The following CNOT10 variants were observed in gnomAD, a reference collection of about 807,000 sequenced individuals.
The protein encoded by CNOT10 is CCR4-NOT transcription complex subunit 10.
CNOT10 carries 30 observed loss-of-function variants against 94.6 expected under a neutral mutation model. The ratio of observed to expected loss-of-function variants is 0.32; its 90% confidence interval spans 0.24 to 0.43. The LOEUF is 0.43. Ranked by LOEUF, CNOT10 falls within the 20% of genes least tolerant of loss-of-function variation. CNOT10 has a pLI of 1.00. For missense variants in CNOT10, 759 were observed against 877.2 expected (o/e 0.87, Z 1.70); for synonymous variants, 289 against 301.6 (o/e 0.96, Z 0.43).
intron 13 of CNOT10, among the ~76,000 whole-genome samples, chr3:32,740,709 A>G (rs1489091333): frequency 6.6e-6 from 1 of 151,906 alleles, no homozygotes; most frequent in Non-Finnish European, 1.5e-5. Context: ...AAAAATACAA[A>G]AAATTAGCCG....
At chr3:32,714,251 AT>A (rs1432838240) in intron 5 of CNOT10, among the ~76,000 whole-genome samples, 1 of 151,954 alleles carries the variant, frequency 6.6e-6, no homozygotes, top group Non-Finnish European at 1.5e-5. Flanking sequence ...TTTGATTTTT[AT>A]TTTCCTAATG....
chr3:32,754,518 C>CTTTTTT (rs752732319), intron 13 of CNOT10, among the ~76,000 whole-genome samples: 1 of 61,998 alleles, frequency 1.6e-5, no homozygotes, highest in Non-Finnish European at 2.6e-5. Flanking sequence ...ATTTATTTTA[C>CTTTTTT]TTTTTTTTTT....
intron 13 of CNOT10, among the ~76,000 whole-genome samples, chr3:32,739,007 C>T (rs1699327886): frequency 6.6e-6 from 1 of 151,114 alleles, no homozygotes; most frequent in African/African-American, 2.4e-5. Context: ...CAGTTTCAGG[C>T]GATTCTCCTG....
At chr3:32,730,494 G>A (rs1698894971) in intron 10 of CNOT10, 1 of 151,946 alleles carries the variant, frequency 6.6e-6, no homozygotes, top group Non-Finnish European at 1.5e-5. Context: ...TAGGAAACTT[G>A]CCACCAGTAA....
At chr3:32,743,270 A>T (rs2125596083) in intron 13 of CNOT10, among the ~76,000 whole-genome samples, 1 of 152,214 alleles carries the variant, frequency 6.6e-6, no homozygotes, top group East Asian at 1.9e-4. Context: ...TACAGGCATG[A>T]GCCACCCACC....
intron 8 of CNOT10, 23 bp downstream of exon 8, chr3:32,720,254 TAA>T: frequency 7.4e-7 from 1 of 1,359,946 alleles, no homozygotes; most frequent in Non-Finnish European, 1.0e-6. Context: ...TGTGAAATTT[TAA>T]CTTTTTTTTG....
At chr3:32,724,412 AT>A (rs756450071) in intron 8 of CNOT10, among the ~76,000 whole-genome samples, 1,235 of 108,110 alleles carry the variant, frequency 0.011, 5 homozygotes, top group Middle Eastern at 0.028. Flanking sequence ...CGCCCGGCTA[AT>A]TTTTTTTTTT....
intron 1 of CNOT10, among the ~76,000 whole-genome samples, chr3:32,698,055 AATT>A (rs1697161001): frequency 6.6e-6 from 1 of 152,240 alleles, no homozygotes; most frequent in African/African-American, 2.4e-5. Context: ...GTTTTAAAAT[AATT>A]GGTCCTTACC....
At chr3:32,712,157 T>G (rs1333251700) in intron 4 of CNOT10, among the ~76,000 whole-genome samples, 6 of 125,090 alleles carry the variant, frequency 4.8e-5, no homozygotes, top group East Asian at 2.6e-4. Flanking sequence ...AATCAGGTGT[T>G]TGTTTGTTTT....
At chr3:32,690,955 G>T (rs1696822872) in intron 1 of CNOT10, among the ~76,000 whole-genome samples, 1 of 147,040 alleles carries the variant, frequency 6.8e-6, no homozygotes, top group Non-Finnish European at 1.5e-5. Flanking sequence ...TTCAGCAATT[G>T]TTATATTTTA....
intron 14 of CNOT10, among the ~76,000 whole-genome samples, chr3:32,762,474 G>C (rs1340054554): frequency 1.3e-5 from 2 of 151,876 alleles, no homozygotes; most frequent in African/African-American, 4.8e-5. Context: ...GTTTTGCCAT[G>C]TTGCCCACGC....
At chr3:32,748,125 C>T (rs761950010) in intron 13 of CNOT10, among the ~76,000 whole-genome samples, 2 of 152,190 alleles carry the variant, frequency 1.3e-5, no homozygotes, top group East Asian at 1.9e-4. Flanking sequence ...CCCAAAGCAT[C>T]GAAATTACAG....
chr3:32,690,013 G>C (rs890374154), intron 1 of CNOT10, among the ~76,000 whole-genome samples: 9 of 152,156 alleles, frequency 5.9e-5, no homozygotes, highest in African/African-American at 2.2e-4. Context: ...AGGCAGCATG[G>C]CAAGAGATAA....
At chr3:32,753,680 G>A in intron 13 of CNOT10, 1 of 1,582,918 alleles carries the variant, frequency 6.3e-7, no homozygotes, top group Non-Finnish European at 8.6e-7. Context: ...AAATTAGTGG[G>A]TAAAATCAAA....
chr3:32,764,410 T>C (rs558629057), intron 15 of CNOT10, 45 bp from the exon 16 acceptor site: 11 of 1,590,952 alleles, frequency 6.9e-6, no homozygotes, highest in South Asian at 1.1e-5. Context: ...AAAGAAAATA[T>C]GCTCTGTTGT....
At chr3:32,705,655 C>T (rs1159097155) in intron 3 of CNOT10, among the ~76,000 whole-genome samples, 1 of 152,136 alleles carries the variant, frequency 6.6e-6, no homozygotes, top group Non-Finnish European at 1.5e-5. Flanking sequence ...TGTCCAAAAA[C>T]ACAAAGTTTT....
chr3:32,760,661 T>G (rs1347385542), intron 14 of CNOT10, among the ~76,000 whole-genome samples: 2 of 152,104 alleles, frequency 1.3e-5, no homozygotes, highest in African/African-American at 4.8e-5. Flanking sequence ...CAGCTTGAAT[T>G]TTTGTATGGT....
intron 14 of CNOT10, among the ~76,000 whole-genome samples, chr3:32,760,640 A>C (rs990659116): frequency 6.6e-6 from 1 of 152,112 alleles, no homozygotes; most frequent in Non-Finnish European, 1.5e-5. Flanking sequence ...TCAAAAAATA[A>C]AAATAAAATA....
intron 13 of CNOT10, chr3:32,753,758 C>T: frequency 2.5e-6 from 4 of 1,601,916 alleles, no homozygotes; most frequent in Non-Finnish European, 3.4e-6. Flanking sequence ...CAGATCTATT[C>T]AGATGGTTCT....
Sources: allele counts gnomAD v4.1 joint callset (sites outside exome capture counted in the v4.1 genomes callset), GRCh38; gene constraint gnomAD v4.1.1; transcripts MANE v1.5; gene names NCBI Gene and HGNC (gene_info 2026-07-23, HGNC 2026-07-21).